HS2ST1: variants seen among roughly 807,000 people sequenced by gnomAD.
HS2ST1 encodes the protein 2-O-sulfotransferase.
A neutral mutation model predicts 42.9 loss-of-function variants in HS2ST1; 18 were observed. The observed-to-expected ratio is 0.42, with a 90% CI of 0.29 to 0.62. The LOEUF is 0.62. HS2ST1 is among the 20% of genes least tolerant of loss of function. The probability of loss-of-function intolerance (pLI) is 0.21; values close to 1 mark genes in which losing one functional copy is unlikely to be tolerated. For synonymous variants in HS2ST1, 146 were observed against 152.9 expected, an observed-to-expected ratio of 0.95 and a Z score of 0.33; for missense variants, 334 against 433.8, an observed-to-expected ratio of 0.77 and a Z score of 2.04.
At chr1:87,061,845 TC>T in intron 1 of HS2ST1, among the ~76,000 whole-genome samples, 1 of 152,254 alleles carries the variant, frequency 6.6e-6, no homozygotes, top group South Asian at 2.1e-4. Flanking sequence ...CCATGTTACA[TC>T]CCCTCCAGCA....
intron 2 of HS2ST1, among the ~76,000 whole-genome samples, chr1:87,079,417 C>G (rs774928447): frequency 1.3e-5 from 2 of 152,250 alleles, no homozygotes; most frequent in Non-Finnish European, 2.9e-5. Context: ...GGATTATAGG[C>G]GTGAGCCACT....
At chr1:86,975,218 A>T (rs1648362271) in intron 1 of HS2ST1, among the ~76,000 whole-genome samples, 1 of 151,932 alleles carries the variant, frequency 6.6e-6, no homozygotes, top group Non-Finnish European at 1.5e-5. Flanking sequence ...GTTACTTTCC[A>T]TGTGATCTAA....
intron 1 of HS2ST1, among the ~76,000 whole-genome samples, chr1:87,032,220 G>A (rs1360242463): frequency 6.6e-6 from 1 of 152,136 alleles, no homozygotes; most frequent in East Asian, 1.9e-4. Context: ...CCAGGCTCAC[G>A]AGAAAGTTTT....
At chr1:86,971,174 T>G (rs1028032536) in intron 1 of HS2ST1, among the ~76,000 whole-genome samples, 1 of 152,090 alleles carries the variant, frequency 6.6e-6, no homozygotes, top group Non-Finnish European at 1.5e-5. Context: ...AAGTTTCTGC[T>G]CAAACAAAGA....
intron 1 of HS2ST1, among the ~76,000 whole-genome samples, chr1:87,054,082 A>ATTC (rs1650899220): frequency 6.6e-6 from 1 of 152,142 alleles, no homozygotes; most frequent in Non-Finnish European, 1.5e-5. Context: ...TGGGCACATG[A>ATTC]AACTCACTGT....
chr1:86,935,663 C>T (rs902758275), intron 1 of HS2ST1, among the ~76,000 whole-genome samples: 4 of 151,714 alleles, frequency 2.6e-5, no homozygotes, highest in Middle Eastern at 3.4e-3. Flanking sequence ...GGGGTTTTGC[C>T]GTGTTGACCA....
At chr1:87,010,889 G>A (rs375587737) in intron 1 of HS2ST1, among the ~76,000 whole-genome samples, 6 of 151,482 alleles carry the variant, frequency 4.0e-5, no homozygotes, top group East Asian at 3.9e-4. Context: ...GGGTTCAAGC[G>A]ATTCTCCTGC....
At chr1:87,025,883 CAT>C (rs1214001224) in intron 1 of HS2ST1, among the ~76,000 whole-genome samples, 1 of 152,126 alleles carries the variant, frequency 6.6e-6, no homozygotes, top group African/African-American at 2.4e-5. Flanking sequence ...TATTTGCAGT[CAT>C]ATGTTTATTG....
chr1:86,914,921 G>T lies in HS2ST1; in HGVS notation c.-116G>T. The T allele has an allele frequency of 1.5e-6, 2 of 1,326,244 alleles. No homozygotes were observed. Among genetic ancestry groups the T allele is most frequent in the Non-Finnish European group, 2.1e-6 (2 of 951,022 alleles). The allele number at this position is 1,326,244 out of a possible 1,614,324, so 82.2% of individuals were successfully genotyped here. On this transcript the variant is annotated 5_prime_UTR_variant, in exon 1 of 7. Coordinates refer to ENST00000370550, the MANE Select transcript of HS2ST1 (RefSeq NM_012262.4). ...GGGTCGCTGCGGTGGTTCTCTCGCTGTCGCTCTCTCTTTGCCTCGCTCCCG... is the reference window on the plus strand; with the variant it reads ...GGGTCGCTGCGGTGGTTCTCTCGCTTTCGCTCTCTCTTTGCCTCGCTCCCG...
At chr1:86,974,342 T>C (rs1308764417) in intron 1 of HS2ST1, among the ~76,000 whole-genome samples, 1 of 152,134 alleles carries the variant, frequency 6.6e-6, no homozygotes, top group Non-Finnish European at 1.5e-5. Flanking sequence ...AGCTTCTAGG[T>C]TGCATTGAAA....
Position 87,086,660 on chromosome 1 carries a change from T to C in HS2ST1, c.449+2381T>C, listed in dbSNP as rs542062677. Among the ~76,000 whole-genome samples, 182 of 152,298 alleles carry C rather than the reference T, an allele frequency of 1.2e-3. 1 individual carries two copies. Among genetic ancestry groups the C allele is most frequent in the African/African-American group, 4.1e-3 (171 of 41,578 alleles). On this transcript the variant is annotated intron_variant, in intron 3 of 6. Coordinates refer to ENST00000370550, the MANE Select transcript of HS2ST1 (RefSeq NM_012262.4). ...GACCACGAAGAAATACACATTATATTTGCAAGCTTGTCTACTCAAGCCATG... is the reference window on the plus strand; with the variant it reads ...GACCACGAAGAAATACACATTATATCTGCAAGCTTGTCTACTCAAGCCATG...
At chr1:87,048,937 A>G (rs1371766588) in intron 1 of HS2ST1, among the ~76,000 whole-genome samples, 1 of 152,072 alleles carries the variant, frequency 6.6e-6, no homozygotes, top group Non-Finnish European at 1.5e-5. Flanking sequence ...ACTCAACTGG[A>G]AAGCGTTTTC....
intron 1 of HS2ST1, among the ~76,000 whole-genome samples, chr1:86,997,704 A>G (rs1649149032): frequency 1.3e-5 from 2 of 152,170 alleles, no homozygotes; most frequent in South Asian, 4.1e-4. Flanking sequence ...CACAGCTAGT[A>G]CTGAACTCTA....
chr1:87,063,564 T>C (rs966284940), intron 1 of HS2ST1, among the ~76,000 whole-genome samples: 5 of 152,196 alleles, frequency 3.3e-5, no homozygotes, highest in African/African-American at 1.2e-4. Context: ...CTTGAACTCC[T>C]GACCTCATGA....
intron 1 of HS2ST1, among the ~76,000 whole-genome samples, chr1:87,066,810 G>A (rs1651262546): frequency 6.6e-6 from 1 of 152,008 alleles, no homozygotes; most frequent in Non-Finnish European, 1.5e-5. Context: ...ACTTATGAGT[G>A]AGAACATGTG....
chr1:86,920,948 T>G (rs1435036465), intron 1 of HS2ST1, among the ~76,000 whole-genome samples: 1 of 152,160 alleles, frequency 6.6e-6, no homozygotes, highest in Non-Finnish European at 1.5e-5. Flanking sequence ...AGAGTGGATT[T>G]TAAGTGTTTT....
Position 86,968,529 on chromosome 1 carries a change from C to T in HS2ST1, c.124+53369C>T, listed in dbSNP as rs150690888. On this transcript the variant is annotated intron_variant, in intron 1 of 6. Transcript: ENST00000370550. The stretch of plus-strand genomic sequence containing the variant: ...AAGTGATTCTCCCACCTCAGCCTCC[C>T]GAGTAGCTGGGACTACAGGTGTATG... Among the ~76,000 whole-genome samples, 25 of 152,000 alleles carry T rather than the reference C, an allele frequency of 1.6e-4. No individual in the cohort carries two copies. In the East Asian group the frequency reaches 4.5e-3, roughly 27 times the overall value.
In HS2ST1 at chr1:86,954,040, TAAAAAAAAAAAA is replaced by T. The variant is rs367757359; in HGVS notation, c.124+38898_124+38909del. Reference sequence around the variant, plus strand: ...TAATAACAAACATCACTGTTTTTTTTAAAAAAAAAAAAAAAAAAAAAAAAAAAAAGGCCGGGC... The same window carrying T: ...TAATAACAAACATCACTGTTTTTTTTAAAAAAAAAAAAAAAAAGGCCGGGC... On this transcript the variant is annotated intron_variant, in intron 1 of 6. Coordinates refer to ENST00000370550, the MANE Select transcript of HS2ST1 (RefSeq NM_012262.4). 1.8e-4 allele frequency among the ~76,000 whole-genome samples: 12 copies of T among 67,336 alleles called. 1 individual carries two copies. Among genetic ancestry groups the T allele is most frequent in the South Asian group, 5.9e-4 (1 of 1,696 alleles). 44.2% of individuals were successfully genotyped at this position (67,336 alleles called of 152,430 possible).
intron 1 of HS2ST1, among the ~76,000 whole-genome samples, chr1:86,916,259 G>A (rs928808373): frequency 3.9e-5 from 6 of 152,208 alleles, no homozygotes; most frequent in South Asian, 2.1e-4. Flanking sequence ...GAAAAGTAAT[G>A]TGAAGTGTTT....
Sources: gnomAD v4.1 joint callset for allele counts (sites outside exome capture counted in the v4.1 genomes callset) on GRCh38, gnomAD v4.1.1 for gene constraint, MANE v1.5 for transcripts, NCBI Gene and HGNC (gene_info 2026-07-23, HGNC 2026-07-21) for gene names.